The following ZNF587B variants were observed in gnomAD, a reference collection of about 807,000 sequenced individuals.
ZNF587B encodes zinc finger protein 587B.
Under a neutral mutation model 7.2 loss-of-function variants are expected in ZNF587B, and 6 were observed. The observed-to-expected ratio is 0.83, with a 90% confidence interval of 0.46 to 1.65. The LOEUF (loss-of-function observed/expected upper bound fraction) is 1.65. ZNF587B is among the 40% of genes most tolerant of loss of function. The probability of loss-of-function intolerance (pLI) is 0.01; values close to 1 mark genes in which losing one functional copy is unlikely to be tolerated. For synonymous variants in ZNF587B, 274 were observed against 254.3 expected (o/e 1.08, Z -0.74); for missense variants, 749 against 761.0 (o/e 0.98, Z 0.19).
At position 57,843,600 on chromosome 19, in the gene ZNF587B, G is replaced by GTTTTTTTTTTTTTTTTTTTT. The variant is rs771371494; in HGVS notation, c.*1025_*1044dup. ...GTTGGTTGGTTGGTTGTTTTTTTTT[G>GTTTTTTTTTTTTTTTTTTTT]TTTTTTTTTTTTTTTTTTTTGGAGA... On this transcript the variant is annotated 3_prime_UTR_variant, in exon 3 of 3. Transcript: ENST00000594901. The GTTTTTTTTTTTTTTTTTTTT allele has an allele frequency of 4.0e-5, 26 of 648,690 alleles. No homozygotes were observed. The highest frequency in any genetic ancestry group is 2.0e-4 in the East Asian group (1 of 5,072). 40.2% of individuals were successfully genotyped at this position (648,690 alleles called of 1,614,324 possible).
chr19:57,837,340 T>A lies in ZNF587B; in HGVS notation c.37-1683T>A, dbSNP rs1213033663. On this transcript the variant is annotated intron_variant, in intron 1 of 2. Coordinates refer to ENST00000594901, the MANE Select transcript of ZNF587B (RefSeq NM_001376223.1). Reference sequence around the variant, plus strand: ...GGCGCGATCTTGACTCACTGCAACCTTCGCCTCCCTGGTTCAAGTGATTCT... The same window carrying A: ...GGCGCGATCTTGACTCACTGCAACCATCGCCTCCCTGGTTCAAGTGATTCT... Among the ~76,000 whole-genome samples, 9 of 152,164 alleles carry A rather than the reference T, an allele frequency of 5.9e-5. No individual in the cohort carries two copies. The East Asian group carries it at 1.7e-3, about 29-fold the overall frequency.
At chr19:57,831,933 C>T (rs1486481056) in intron 1 of ZNF587B, among the ~76,000 whole-genome samples, 2 of 149,100 alleles carry the variant, frequency 1.3e-5, no homozygotes, top group South Asian at 2.1e-4. Flanking sequence ...TTCGAACTCC[C>T]GAGCTCAGGC....
rs1431267753 is a variant in ZNF587B, at chr19:57,830,527, C to T, written c.-2C>T. 16 of 1,549,406 alleles carry T rather than the reference C, an allele frequency of 1.0e-5. 1 individual carries two copies. In the East Asian group the frequency reaches 1.2e-4, roughly 12 times the overall value. On this transcript the variant is annotated 5_prime_UTR_variant, in exon 1 of 3. Transcript: ENST00000594901. ...CAACCCTGCTTTAAACCACGTGGTTCGATGGCGGTGGTGGCCACGCTGAGG... is the reference window on the plus strand; with the variant it reads ...CAACCCTGCTTTAAACCACGTGGTTTGATGGCGGTGGTGGCCACGCTGAGG...
At position 57,842,197 on chromosome 19, in the gene ZNF587B, A is replaced by T; in HGVS notation, c.1523A>T (p.His508Leu). 6.2e-7 allele frequency: 1 copy of T among 1,613,084 alleles called. No individual in the cohort carries two copies. Among genetic ancestry groups the T allele is most frequent in the Non-Finnish European group, 8.5e-7 (1 of 1,179,556 alleles). The change falls in exon 3 of 3, where the codon CAC (histidine) becomes CTC (leucine). Residue 508 changes from histidine (H) to leucine (L), a missense_variant. By Grantham distance (99) the His-to-Leu change is moderately conservative. Coordinates refer to ENST00000594901, the MANE Select transcript of ZNF587B (RefSeq NM_001376223.1). ...CAGAAATTTTTTAGGCACAAGTGCC[A>T]CCTCACTGCACACCAGAGAGTTCAC... The part of the protein sequence containing the change: ...ACQKFFRHKC[H>L]LTAHQRVHTG...
rs1293852114 is a variant in ZNF587B, at chr19:57,842,602, T to G, written c.*26T>G. ...GTGCAGAGAATGAGTCCAGTCTCAT[T>G]AAATACAGGAGAGCACACACCTGAG... On this transcript the variant is annotated 3_prime_UTR_variant, in exon 3 of 3. Transcript: ENST00000594901. The G allele has an allele frequency of 2.1e-6, 3 of 1,457,820 alleles. No individual in the cohort carries two copies. Among genetic ancestry groups the G allele is most frequent in the African/African-American group, 1.4e-5 (1 of 70,268 alleles). The allele number at this position is 1,457,820 out of a possible 1,614,324, so 90.3% of individuals were successfully genotyped here. A position where few individuals can be genotyped will look rare whatever the true frequency, so the allele number is the denominator to read the frequency against.
chr19:57,830,828 G>A lies in ZNF587B; in HGVS notation c.36+264G>A, dbSNP rs7260193. ...TAAAAAAAAATCCGTTTATTTAGCCGGCGGCCAAGAGATGGGTAACGCTCA... is the reference window on the plus strand; with the variant it reads ...TAAAAAAAAATCCGTTTATTTAGCCAGCGGCCAAGAGATGGGTAACGCTCA... On this transcript the variant is annotated intron_variant, in intron 1 of 2. Transcript: ENST00000594901. Among the ~76,000 whole-genome samples, 731 of 152,122 alleles carry A rather than the reference G, an allele frequency of 4.8e-3. 9 individuals carry two copies. Among genetic ancestry groups the A allele is most frequent in the African/African-American group, 0.017 (701 of 41,482 alleles).
In ZNF587B at chr19:57,842,760, C is replaced by T. The variant is rs2122254584; in HGVS notation, c.*184C>T. 1.0e-6 allele frequency: 1 copy of T among 985,388 alleles called. No homozygotes were observed. Among genetic ancestry groups the T allele is most frequent in the African/African-American group, 1.7e-5 (1 of 57,348 alleles). 61.0% of individuals were successfully genotyped at this position (985,388 alleles called of 1,614,324 possible). The stretch of plus-strand genomic sequence containing the variant: ...AAATTTGGCAGTTTTGTAGCCACAC[C>T]TCTGTATTCCTTCAGGATTATATTT... On this transcript the variant is annotated 3_prime_UTR_variant, in exon 3 of 3. Coordinates refer to ENST00000594901, the MANE Select transcript of ZNF587B (RefSeq NM_001376223.1).
Position 57,842,301 on chromosome 19 carries a change from G to C in ZNF587B, c.1627G>C (p.Val543Leu). Residue 543 changes from valine (V) to leucine (L), a missense_variant, in exon 3 of 3, where the codon GTT (valine) becomes CTT (leucine). By Grantham distance (32) the Val-to-Leu change is conservative. Coordinates refer to ENST00000594901, the MANE Select transcript of ZNF587B (RefSeq NM_001376223.1). Reference sequence around the variant, plus strand: ...CTGTGCATTCATTGTTCATAAGAGAGTTCACACTGGTCAGAAGCCTTATGA... The same window carrying C: ...CTGTGCATTCATTGTTCATAAGAGACTTCACACTGGTCAGAAGCCTTATGA... ...HSCAFIVHKR[V>L]HTGQKPYECS... The C allele has an allele frequency of 6.2e-7, 1 of 1,611,540 alleles. No individual in the cohort carries two copies. Among genetic ancestry groups the C allele is most frequent in the African/African-American group, 1.3e-5 (1 of 74,960 alleles).
chr19:57,835,912 A>G (rs1988582916), intron 1 of ZNF587B, among the ~76,000 whole-genome samples: 1 of 151,252 alleles, frequency 6.6e-6, no homozygotes, highest in Admixed American at 6.6e-5. Flanking sequence ...TGGAGGGCAC[A>G]CTTCATAATA....
In ZNF587B at chr19:57,841,484, TGAATGTGGA is replaced by T. The variant is rs1485749722; in HGVS notation, c.818_826del (p.Gly273_Cys275del). ...GAGTTCACAGTGGAAAAAGACCTTA[TGAATGTGGA>T]GAATGTGAGAAATCTTTTAGTCAAA... On this transcript the variant is annotated inframe_deletion, in exon 3 of 3. Transcript: ENST00000594901. 5 of 1,586,120 alleles carry T rather than the reference TGAATGTGGA, an allele frequency of 3.2e-6. No homozygotes were observed. The highest frequency in any genetic ancestry group is 2.3e-5 in the East Asian group (1 of 43,380).
chr19:57,842,758 A>G lies in ZNF587B; in HGVS notation c.*182A>G. The G allele has an allele frequency of 9.1e-6, 9 of 985,392 alleles. No individual in the cohort carries two copies. Among genetic ancestry groups the G allele is most frequent in the Non-Finnish European group, 1.1e-5 (9 of 829,928 alleles). The allele number at this position is 985,392 out of a possible 1,614,324, so 61.0% of individuals were successfully genotyped here. ...ATAAATTTGGCAGTTTTGTAGCCAC[A>G]CCTCTGTATTCCTTCAGGATTATAT... is the stretch of plus-strand genomic sequence containing the variant. On this transcript the variant is annotated 3_prime_UTR_variant, in exon 3 of 3. Coordinates refer to ENST00000594901, the MANE Select transcript of ZNF587B (RefSeq NM_001376223.1).
intron 2 of ZNF587B, 135 bp from the exon 3 acceptor site, chr19:57,840,703 C>G (rs1988806691): frequency 6.4e-7 from 1 of 1,571,314 alleles, no homozygotes; most frequent in South Asian, 1.1e-5. Context: ...GCACCATCTT[C>G]CATCTGAAGC....
At chr19:57,838,901 AGTTTCTCCTAT>A in intron 1 of ZNF587B, 111 bp from the exon 2 acceptor site, 2 of 1,371,516 alleles carry the variant, frequency 1.5e-6, no homozygotes, top group Non-Finnish European at 2.0e-6. Flanking sequence ...CAGTGGGCCT[AGTTTCTCCTAT>A]GTTTGAGGAC....
chr19:57,830,364 C>T lies in ZNF587B; in HGVS notation c.-165C>T. The T allele has an allele frequency of 2.9e-6, 2 of 681,978 alleles. No homozygotes were observed. The highest frequency in any genetic ancestry group is 2.8e-5 in the East Asian group (1 of 35,664). The allele number at this position is 681,978 out of a possible 1,614,324, so 42.2% of individuals were successfully genotyped here. A position where few individuals can be genotyped will look rare whatever the true frequency, so the allele number is the denominator to read the frequency against. ...CTAGGTCGGCACTGCGGTGACTGAA[C>T]CCAGAAGGCGGAGAACAGTTGTCCT... On this transcript the variant is annotated 5_prime_UTR_variant, in exon 1 of 3. Transcript: ENST00000594901.
chr19:57,835,743 C>T (rs118169942), intron 1 of ZNF587B, among the ~76,000 whole-genome samples: 5,514 of 98,936 alleles, frequency 0.056, 131 homozygotes, highest in Non-Finnish European at 0.058. Flanking sequence ...AGGCATAATA[C>T]AGTCACTGGG....
At position 57,841,945 on chromosome 19, in the gene ZNF587B, A is replaced by G. The variant is rs1395915479; in HGVS notation, c.1271A>G (p.His424Arg). The change falls in exon 3 of 3, where the codon CAC (histidine) becomes CGC (arginine). Residue 424 changes from histidine to arginine, a missense_variant. By Grantham distance (29) the His-to-Arg change is conservative. Transcript: ENST00000594901. ...GGGAAATCTTTTAATGAAAAAGGACACCTTAGGAGTCATCAGCGAGTTCAC... is the reference window on the plus strand; with the variant it reads ...GGGAAATCTTTTAATGAAAAAGGACGCCTTAGGAGTCATCAGCGAGTTCAC... ...DCGKSFNEKG[H>R]LRSHQRVHTT... 1.2e-6 allele frequency: 2 copies of G among 1,612,846 alleles called. No individual in the cohort carries two copies. The highest frequency in any genetic ancestry group is 2.7e-5 in the African/African-American group (2 of 74,862).
In ZNF587B at chr19:57,841,659, G is replaced by A. The variant is rs774701809; in HGVS notation, c.985G>A (p.Gly329Arg). 5.0e-6 allele frequency: 8 copies of A among 1,603,190 alleles called. No individual in the cohort carries two copies. Among genetic ancestry groups the A allele is most frequent in the Non-Finnish European group, 6.8e-6 (8 of 1,174,876 alleles). ...CGCTGGAAAAGGGCCTTATGAGTGT[G>A]GAGAATGTGGGAAATCTTTTAGTTC... ...VHAGKGPYEC[G>R]ECGKSFSSNV... The change falls in exon 3 of 3, where the codon GGA becomes AGA. Residue 329 changes from glycine (G) to arginine (R), a missense_variant. Transcript: ENST00000594901.
chr19:57,830,564 G>C lies in ZNF587B; in HGVS notation c.36G>C (p.Gln12His), dbSNP rs1214212815. ...TGGCCACGCTGAGGCTCTCTGCTCA[G>C]GTAATTGTGGTGCCTTCCATGCCCT... Reference protein sequence around the residue: ...AVVATLRLSAQGTVTFEDVAV... With the variant: ...AVVATLRLSAHGTVTFEDVAV... Residue 12 changes from glutamine to histidine, a missense_variant and splice_region_variant, in exon 1 of 3, where the codon CAG becomes CAC. By Grantham distance (24) the Gln-to-His change is conservative. Transcript: ENST00000594901. 6.5e-7 allele frequency: 1 copy of C among 1,550,150 alleles called. No homozygotes were observed. The highest frequency in any genetic ancestry group is 1.2e-5 in the South Asian group (1 of 84,118).
rs1284176660 is a variant in ZNF587B at position 57,840,902 on chromosome 19, G to A, written c.228G>A (p.Glu76=). ...PSKQSIYIQR[E]TQVRTPVTGV... is the part of the protein sequence containing the mutation. ...AGCAGAGTATTTATATACAAAGAGA[G>A]ACTCAGGTCAGGACTCCTGTGACAG... The change falls in exon 3 of 3, where the codon GAG becomes GAA. Residue 76 remains glutamate (E), a synonymous_variant. Transcript: ENST00000594901. 6.4e-7 allele frequency: 1 copy of A among 1,556,128 alleles called. No homozygotes were observed. Among genetic ancestry groups the A allele is most frequent in the East Asian group, 2.3e-5 (1 of 44,330 alleles).
Sources: allele counts gnomAD v4.1 joint callset (sites outside exome capture counted in the v4.1 genomes callset), GRCh38; gene constraint gnomAD v4.1.1; transcripts MANE v1.5; gene names NCBI Gene and HGNC (gene_info 2026-07-23, HGNC 2026-07-21).